Variants in WWC1 observed in about 807,000 individuals in gnomAD.
The protein encoded by WWC1 is protein KIBRA.
A neutral mutation model predicts 138.4 loss-of-function variants in WWC1; 55 were observed. The observed-to-expected ratio is 0.40, with a 90% CI of 0.32 to 0.50. The LOEUF (loss-of-function observed/expected upper bound fraction) is 0.50. WWC1 is among the 20% of genes least tolerant of loss of function. The pLI, the probability that WWC1 is intolerant of heterozygous loss-of-function variation, is 0.72. For synonymous variants in WWC1, 524 were observed against 564.9 expected (o/e 0.93, Z 1.03); for missense variants, 1,226 against 1,420.4 (o/e 0.86, Z 2.20).
At chr5:168,338,115 G>A (rs199685255) in intron 1 of WWC1, among the ~76,000 whole-genome samples, 264 of 151,918 alleles carry the variant, frequency 1.7e-3, no homozygotes, top group Non-Finnish European at 1.7e-3. Flanking sequence ...GTTCGAGACC[G>A]GTCTGGCCAA....
At chr5:168,299,334 T>C (rs1769848131) in intron 1 of WWC1, among the ~76,000 whole-genome samples, 3 of 152,182 alleles carry the variant, frequency 2.0e-5, no homozygotes. Flanking sequence ...TAAGGAGCCT[T>C]AACCAGAGAA....
In WWC1 at chr5:168,444,597, C is replaced by A; in HGVS notation, c.2525+12C>A. On this transcript the variant is annotated intron_variant, in intron 17 of 22. Coordinates refer to ENST00000265293, the MANE Select transcript of WWC1 (RefSeq NM_015238.3). ...CTGGAAGACAGCTGGTGAGTGAGCC[C>A]GCCCTTGGGCCCCAGGAGCTGCCCT... 6.2e-7 allele frequency: 1 copy of A among 1,612,962 alleles called. No individual in the cohort carries two copies. The highest frequency in any genetic ancestry group is 8.5e-7 in the Non-Finnish European group (1 of 1,179,864).
At chr5:168,407,583 T>G (rs1227338033) in intron 6 of WWC1, among the ~76,000 whole-genome samples, 1 of 152,212 alleles carries the variant, frequency 6.6e-6, no homozygotes, top group Non-Finnish European at 1.5e-5. Context: ...GATGAAGAGC[T>G]CATGGACAGT....
At chr5:168,463,000 C>G (rs1193923222) in intron 20 of WWC1, among the ~76,000 whole-genome samples, 1 of 152,194 alleles carries the variant, frequency 6.6e-6, no homozygotes, top group Non-Finnish European at 1.5e-5. Context: ...CTAGAGCTGT[C>G]TTATATTCCT....
chr5:168,428,764 G>T lies in WWC1; in HGVS notation c.1977G>T (p.Ala659=). Residue 659 remains alanine (A), a synonymous_variant, in exon 13 of 23, where the codon GCG becomes GCT. Coordinates refer to ENST00000265293, the MANE Select transcript of WWC1 (RefSeq NM_015238.3). ...FDSDESEAVG[A]TRIQIALKYD... ...GTGACGAATCGGAAGCAGTGGGTGC[G>T]ACCCGAATTCAGATTGCCCTGAAGT... 1.2e-6 allele frequency: 2 copies of T among 1,613,820 alleles called. No individual in the cohort carries two copies. Among genetic ancestry groups the T allele is most frequent in the Non-Finnish European group, 1.7e-6 (2 of 1,179,902 alleles).
intron 20 of WWC1, 62 bp from the exon 21 acceptor site, chr5:168,464,667 A>G: frequency 6.3e-7 from 1 of 1,599,308 alleles, no homozygotes; most frequent in Non-Finnish European, 8.5e-7. Flanking sequence ...TCAGAGGAAG[A>G]GGCTGGGTGG....
chr5:168,425,924 G>A (rs189505167), intron 11 of WWC1, among the ~76,000 whole-genome samples: 6 of 152,312 alleles, frequency 3.9e-5, no homozygotes, highest in African/African-American at 7.2e-5. Context: ...TGCTCAGAAC[G>A]CACACTGTTA....
intron 17 of WWC1, among the ~76,000 whole-genome samples, chr5:168,446,824 G>T (rs1582331326): frequency 1.3e-5 from 2 of 152,218 alleles, no homozygotes; most frequent in Non-Finnish European, 2.9e-5. Flanking sequence ...TTAGGAAAAA[G>T]AGAAGGAACG....
At chr5:168,403,752 G>T (rs1779566239) in intron 5 of WWC1, among the ~76,000 whole-genome samples, 1 of 152,038 alleles carries the variant, frequency 6.6e-6, no homozygotes, top group African/African-American at 2.4e-5. Flanking sequence ...GTCTGGACAG[G>T]ACCAGGAGTT....
At chr5:168,387,510 G>A (rs1236458523) in intron 3 of WWC1, among the ~76,000 whole-genome samples, 3 of 152,240 alleles carry the variant, frequency 2.0e-5, no homozygotes, top group Admixed American at 1.3e-4. Flanking sequence ...TAGTCGACTC[G>A]AGCTGCCATA....
chr5:168,380,770 A>G (rs1396822310), intron 2 of WWC1, among the ~76,000 whole-genome samples: 1 of 152,236 alleles, frequency 6.6e-6, no homozygotes, highest in East Asian at 1.9e-4. Flanking sequence ...AATTTATCAC[A>G]AAGACAATGT....
At chr5:168,341,143 G>T (rs926208854) in intron 1 of WWC1, among the ~76,000 whole-genome samples, 12 of 152,170 alleles carry the variant, frequency 7.9e-5, no homozygotes, top group Admixed American at 6.5e-4. Flanking sequence ...TAACTACCAT[G>T]ACAGCTGCGT....
At chr5:168,445,650 C>T (rs1459570833) in intron 17 of WWC1, among the ~76,000 whole-genome samples, 1 of 144,816 alleles carries the variant, frequency 6.9e-6, no homozygotes, top group Non-Finnish European at 1.5e-5. Context: ...TGCAGTGAAC[C>T]GAGATTGCGC....
chr5:168,425,379 A>G (rs1008763497), intron 11 of WWC1, among the ~76,000 whole-genome samples: 2 of 152,140 alleles, frequency 1.3e-5, no homozygotes, highest in Admixed American at 6.5e-5. Context: ...ATAGCTCACA[A>G]TAATCATAGC....
At chr5:168,351,259 A>G (rs1774932857) in intron 1 of WWC1, among the ~76,000 whole-genome samples, 2 of 152,146 alleles carry the variant, frequency 1.3e-5, no homozygotes, top group Admixed American at 6.5e-5. Flanking sequence ...TTAAAGACAC[A>G]GTAGCTCCAG....
intron 17 of WWC1, 118 bp downstream of exon 17, chr5:168,444,703 C>T (rs1755081257): frequency 1.9e-6 from 2 of 1,078,256 alleles, no homozygotes; most frequent in Non-Finnish European, 2.7e-6. Context: ...GCTGAGAACC[C>T]CTCTCCTCAT....
chr5:168,407,922 G>A (rs935434032), intron 6 of WWC1, among the ~76,000 whole-genome samples: 1 of 151,706 alleles, frequency 6.6e-6, no homozygotes, highest in Non-Finnish European at 1.5e-5. Context: ...GAATGCAGTG[G>A]CATGATCATA....
At chr5:168,405,643 C>T (rs139655104) in intron 5 of WWC1, among the ~76,000 whole-genome samples, 2 of 151,632 alleles carry the variant, frequency 1.3e-5, no homozygotes, top group African/African-American at 4.8e-5. Flanking sequence ...ACTGTGACTT[C>T]ATGAGCAGTG....
At chr5:168,400,026 T>C (rs1469169386) in intron 5 of WWC1, among the ~76,000 whole-genome samples, 2 of 152,154 alleles carry the variant, frequency 1.3e-5, no homozygotes, top group Non-Finnish European at 2.9e-5. Flanking sequence ...CAAAAACCAA[T>C]TACTAGAAAA....
Sources: allele counts gnomAD v4.1 joint callset (sites outside exome capture counted in the v4.1 genomes callset), GRCh38; gene constraint gnomAD v4.1.1; transcripts MANE v1.5; gene names NCBI Gene and HGNC (gene_info 2026-07-23, HGNC 2026-07-21).